Variants in CLN5 observed in about 807,000 individuals in gnomAD.
The protein encoded by CLN5 is CLN5 lysosomal BMP synthase, also known as bis(monoacylglycero)phosphate synthase CLN5.
In CLN5, 34 loss-of-function variants were observed where a neutral mutation model predicts 36.7. That is an observed-to-expected ratio of 0.93 (90% CI 0.71 to 1.23). The LOEUF (loss-of-function observed/expected upper bound fraction) is 1.23. CLN5 is among the 50% of genes most tolerant of loss of function. The pLI, the probability that CLN5 is intolerant of heterozygous loss-of-function variation, is 0.00. For synonymous variants in CLN5, 151 were observed against 155.1 expected (o/e 0.97, Z 0.20); for missense variants, 427 against 439.4 (o/e 0.97, Z 0.25).
chr13:76,996,128 G>C lies in CLN5; in HGVS notation c.565+1G>C. 1 of 1,609,478 alleles carries C rather than the reference G, an allele frequency of 6.2e-7. No homozygotes were observed. Among genetic ancestry groups the C allele is most frequent in the South Asian group, 1.1e-5 (1 of 90,972 alleles). ...TTAGTTCAAGTAGCAACTATATCAGGTAAGTTGTGAAAATATAGCAATATT... is the reference window on the plus strand; with the variant it reads ...TTAGTTCAAGTAGCAACTATATCAGCTAAGTTGTGAAAATATAGCAATATT... On this transcript the variant is annotated splice_donor_variant, in intron 3 of 3. Transcript: ENST00000377453. LOFTEE classifies it high-confidence loss of function.
At position 76,996,128 on chromosome 13, in the gene CLN5, G is replaced by GT. The variant is rs1476787722; in HGVS notation, c.565+2dup. ...TTAGTTCAAGTAGCAACTATATCAG[G>GT]TAAGTTGTGAAAATATAGCAATATT... is the stretch of plus-strand genomic sequence containing the variant. On this transcript the variant is annotated splice_donor_variant, in intron 3 of 3. Coordinates refer to ENST00000377453, the MANE Select transcript of CLN5 (RefSeq NM_006493.4). LOFTEE classifies it high-confidence loss of function. The GT allele has an allele frequency of 1.2e-6, 2 of 1,609,478 alleles. No individual in the cohort carries two copies. The highest frequency in any genetic ancestry group is 1.7e-5 in the Admixed American group (1 of 60,020).
Position 77,003,667 on chromosome 13 carries a change from G to A in CLN5, c.*2698G>A, listed in dbSNP as rs2034399543. On this transcript the variant is annotated 3_prime_UTR_variant, in exon 4 of 4. Transcript: ENST00000377453. Reference sequence around the variant, plus strand: ...TGCTATTGTTATAGATGTAGGCTGGGTGCGGTGGCTTATGCCTGTAATCCT... The same window carrying A: ...TGCTATTGTTATAGATGTAGGCTGGATGCGGTGGCTTATGCCTGTAATCCT... 3 of 152,238 alleles carry A rather than the reference G, an allele frequency of 2.0e-5. No individual in the cohort carries two copies. Among genetic ancestry groups the A allele is most frequent in the African/African-American group, 7.2e-5 (3 of 41,456 alleles). 9.4% of individuals were successfully genotyped at this position (152,238 alleles called of 1,614,324 possible).
rs1161137840 is a variant in CLN5, at chr13:77,003,721, CG to C, written c.*2754del. 6.6e-6 allele frequency: 1 copy of C among 152,062 alleles called. No individual in the cohort carries two copies. The highest frequency in any genetic ancestry group is 1.5e-5 in the Non-Finnish European group (1 of 68,046). 9.4% of individuals were successfully genotyped at this position (152,062 alleles called of 1,614,324 possible). A position where few individuals can be genotyped will look rare whatever the true frequency, so the allele number is the denominator to read the frequency against. ...ACATACTTTGGGAGGCCAAGGTGGA[CG>C]GATCACTTGAGGTCAGGAGTTCGAG... On this transcript the variant is annotated 3_prime_UTR_variant, in exon 4 of 4. Coordinates refer to ENST00000377453, the MANE Select transcript of CLN5 (RefSeq NM_006493.4).
rs1488119873 is a variant in CLN5, at chr13:77,005,043, A to C, written c.*4074A>C. 6.6e-6 allele frequency: 1 copy of C among 152,108 alleles called. No individual in the cohort carries two copies. The highest frequency in any genetic ancestry group is 2.4e-5 in the African/African-American group (1 of 41,448). 9.4% of individuals were successfully genotyped at this position (152,108 alleles called of 1,614,324 possible). On this transcript the variant is annotated 3_prime_UTR_variant, in exon 4 of 4. Coordinates refer to ENST00000377453, the MANE Select transcript of CLN5 (RefSeq NM_006493.4). ...TTATTTTCTGTATAAAAATTTAAAA[A>C]TTTATATTTCATGGTAGGTTTTAAA... is the stretch of plus-strand genomic sequence containing the variant.
Position 77,002,319 on chromosome 13 carries a change from C to A in CLN5, c.*1350C>A, listed in dbSNP as rs1443852098. 1 of 152,144 alleles carries A rather than the reference C, an allele frequency of 6.6e-6. No individual in the cohort carries two copies. The highest frequency in any genetic ancestry group is 2.4e-5 in the African/African-American group (1 of 41,424). 9.4% of individuals were successfully genotyped at this position (152,144 alleles called of 1,614,324 possible). Reference sequence around the variant, plus strand: ...GTAGTAATGAAGTCAGGTCTTGAACCCCGGTTCTGCTGACTGAATTGGATG... The same window carrying A: ...GTAGTAATGAAGTCAGGTCTTGAACACCGGTTCTGCTGACTGAATTGGATG... On this transcript the variant is annotated 3_prime_UTR_variant, in exon 4 of 4. Transcript: ENST00000377453.
At chr13:76,992,569 C>T in intron 1 of CLN5, 1 of 494,672 alleles carries the variant, frequency 2.0e-6, no homozygotes, top group Non-Finnish European at 3.5e-6. Context: ...AATGGAGGGA[C>T]TTCTGGGTAC....
chr13:77,000,742 C>A lies in CLN5; in HGVS notation c.850C>A (p.Leu284Ile), dbSNP rs1380693312. ...TTTTGGGCCAACAGGAAACAAGACT[C>A]TTGGTTTAGCCATAAAAAGATTTTA... The part of the protein sequence containing the change: ...SVFGPTGNKT[L>I]GLAIKRFYYP... The change falls in exon 4 of 4, where the codon CTT becomes ATT. Residue 284 changes from leucine to isoleucine, a missense_variant. By Grantham distance (5) the Leu-to-Ile change is conservative. Coordinates refer to ENST00000377453, the MANE Select transcript of CLN5 (RefSeq NM_006493.4). 3.1e-6 allele frequency: 5 copies of A among 1,613,994 alleles called. No individual in the cohort carries two copies. The highest frequency in any genetic ancestry group is 3.4e-6 in the Non-Finnish European group (4 of 1,179,992).
intron 1 of CLN5, 82 bp downstream of exon 1, chr13:76,992,353 C>T (rs2034195172): frequency 7.2e-7 from 1 of 1,395,378 alleles, no homozygotes; most frequent in Non-Finnish European, 9.5e-7. Context: ...GGGACCCCTG[C>T]TCACCGTGGT....
intron 1 of CLN5, chr13:76,993,696 AT>A (rs2045939776): frequency 6.6e-6 from 1 of 152,216 alleles, no homozygotes; most frequent in South Asian, 2.1e-4. Context: ...GTGATTATGT[AT>A]TTGTTTAAAC....
At chr13:76,999,316 T>C (rs911088541) in intron 3 of CLN5, 1 of 152,224 alleles carries the variant, frequency 6.6e-6, no homozygotes, top group Admixed American at 6.5e-5. Context: ...CCAGTTCTAT[T>C]AGGCATTATA....
intron 2 of CLN5, chr13:76,995,656 G>C (rs1223720790): frequency 3.5e-6 from 2 of 572,620 alleles, no homozygotes; most frequent in Non-Finnish European, 6.2e-6. Flanking sequence ...TTATCAGCTT[G>C]TCCACATAAC....
intron 3 of CLN5, chr13:76,997,758 T>C (rs1316608861): frequency 6.6e-6 from 1 of 152,250 alleles, no homozygotes; most frequent in Admixed American, 6.5e-5. Flanking sequence ...AATGTTTCCC[T>C]AAAAATGCTC....
chr13:76,995,858 G>C, intron 2 of CLN5, 44 bp from the exon 3 acceptor site: 1 of 1,474,814 alleles, frequency 6.8e-7, no homozygotes, highest in Non-Finnish European at 9.5e-7. Flanking sequence ...CTGGACCCAT[G>C]GTTGTGTCAC....
chr13:77,004,711 G>C lies in CLN5; in HGVS notation c.*3742G>C, dbSNP rs1275058241. On this transcript the variant is annotated 3_prime_UTR_variant, in exon 4 of 4. Coordinates refer to ENST00000377453, the MANE Select transcript of CLN5 (RefSeq NM_006493.4). ...AAAAAAAAAAATTTTAAAGGACCTA[G>C]TGGAGGCTTGAACCTTCTTCACATG... is the stretch of plus-strand genomic sequence containing the variant. The C allele has an allele frequency of 2.0e-5, 3 of 152,098 alleles. No individual in the cohort carries two copies. The highest frequency in any genetic ancestry group is 4.4e-5 in the Non-Finnish European group (3 of 68,018). The allele number at this position is 152,098 out of a possible 1,614,324, so 9.4% of individuals were successfully genotyped here.
At chr13:76,994,223 T>G (rs1279070611) in intron 1 of CLN5, 1 of 152,240 alleles carries the variant, frequency 6.6e-6, no homozygotes, top group Non-Finnish European at 1.5e-5. Flanking sequence ...TGACAGCCCC[T>G]GCCAGTCTCT....
intron 2 of CLN5, chr13:76,995,502 C>T: frequency 2.0e-6 from 1 of 509,306 alleles, no homozygotes; most frequent in Non-Finnish European, 3.5e-6. Context: ...CCAGAAGTGG[C>T]AGGGCAGGCA....
In CLN5 at chr13:77,003,503, T is replaced by G. The variant is rs1400434801; in HGVS notation, c.*2534T>G. The G allele has an allele frequency of 6.6e-6, 1 of 152,134 alleles. No homozygotes were observed. The highest frequency in any genetic ancestry group is 1.5e-5 in the Non-Finnish European group (1 of 68,022). 9.4% of individuals were successfully genotyped at this position (152,134 alleles called of 1,614,324 possible). A position where few individuals can be genotyped will look rare whatever the true frequency, so the allele number is the denominator to read the frequency against. On this transcript the variant is annotated 3_prime_UTR_variant, in exon 4 of 4. Coordinates refer to ENST00000377453, the MANE Select transcript of CLN5 (RefSeq NM_006493.4). ...AGGTGAAGATGATTCAAGAACATGC[T>G]TTCAAAATAGTAGTTGAGAAACCAA...
chr13:76,997,243 T>C (rs2034284442), intron 3 of CLN5: 1 of 151,860 alleles, frequency 6.6e-6, no homozygotes, highest in South Asian at 2.1e-4. Flanking sequence ...ACCTCTTGGG[T>C]TCAAGCGATT....
Position 76,995,224 on chromosome 13 carries a change from A to T in CLN5, c.335A>T (p.His112Leu). 2 of 1,614,000 alleles carry T rather than the reference A, an allele frequency of 1.2e-6. No individual in the cohort carries two copies. The highest frequency in any genetic ancestry group is 1.7e-5 in the Admixed American group (1 of 60,022). Residue 112 changes from histidine to leucine, a missense_variant, in exon 2 of 4, where the codon CAC (histidine) becomes CTC (leucine). By Grantham distance (99) the His-to-Leu change is moderately conservative (BLOSUM62 -3). Transcript: ENST00000377453. ...TTTAAATATGGAGACCTCCTGGGAC[A>T]CTTGGTAAGGATGCATCTTGGTCTT... ...WEFKYGDLLGHLKIMHDAIGF... is the reference protein window; with the variant it reads ...WEFKYGDLLGLLKIMHDAIGF...
Sources: allele counts gnomAD v4.1 joint callset, GRCh38; gene constraint gnomAD v4.1.1; transcripts MANE v1.5; gene names NCBI Gene and HGNC (gene_info 2026-07-23, HGNC 2026-07-21).